The following ANKRD33B variants were observed in gnomAD, a reference collection of about 807,000 sequenced individuals.
The protein encoded by ANKRD33B is ankyrin repeat domain 33B, also known as ankyrin repeat domain-containing protein 33B.
ANKRD33B carries 6 observed loss-of-function variants against 21.5 expected under a neutral mutation model. The observed-to-expected ratio is 0.28, with a 90% CI of 0.15 to 0.55. The LOEUF (loss-of-function observed/expected upper bound fraction) is 0.55, where lower values mean the gene tolerates loss of function less well. Among genes scored for constraint, ANKRD33B ranks in the 20% least tolerant of loss-of-function variants. The pLI is 0.94. For missense variants in ANKRD33B, 698 were observed against 747.2 expected, an observed-to-expected ratio of 0.93 and a Z score of 0.77; for synonymous variants, 347 against 342.4, an observed-to-expected ratio of 1.01 and a Z score of -0.15.
At position 10,564,529 on chromosome 5, in the gene ANKRD33B, C is replaced by G; in HGVS notation, c.62C>G (p.Pro21Arg). The change falls in exon 1 of 4, where the codon CCG (proline) becomes CGG (arginine). Residue 21 changes from proline (P) to arginine (R), a missense_variant. Coordinates refer to ENST00000296657, the MANE Select transcript of ANKRD33B (RefSeq NM_001164440.2). Reference sequence around the variant, plus strand: ...GGGGCGCGCTGCATGACCCCACCACCGCCGTCCCCACCCCGGGGCGCGCAG... The same window carrying G: ...GGGGCGCGCTGCATGACCCCACCACGGCCGTCCCCACCCCGGGGCGCGCAG... ...GGGARCMTPP[P>R]PSPPRGAQVE... 7.8e-6 allele frequency: 12 copies of G among 1,532,422 alleles called. No individual in the cohort carries two copies. The highest frequency in any genetic ancestry group is 9.6e-6 in the Non-Finnish European group (11 of 1,145,818). The allele number at this position is 1,532,422 out of a possible 1,614,324, so 94.9% of individuals were successfully genotyped here. A position where few individuals can be genotyped will look rare whatever the true frequency, so the allele number is the denominator to read the frequency against.
rs1737391256 is a variant in ANKRD33B, at chr5:10,652,845, T to A, written c.*2732T>A. Reference sequence around the variant, plus strand: ...GCTCCTGGTGTCCACAAAACAGCTCTAGAGATACCTGCATTTTGAAAAGCC... The same window carrying A: ...GCTCCTGGTGTCCACAAAACAGCTCAAGAGATACCTGCATTTTGAAAAGCC... On this transcript the variant is annotated 3_prime_UTR_variant, in exon 4 of 4. Transcript: ENST00000296657. This position sits in a 1 kb window ranked among gnomAD's most constrained non-coding sequence, Gnocchi z 4.1. The A allele has an allele frequency of 1.1e-5, 3 of 282,106 alleles. No individual in the cohort carries two copies. The highest frequency in any genetic ancestry group is 9.7e-5 in the South Asian group (3 of 30,818). The allele number at this position is 282,106 out of a possible 1,614,324, so 17.5% of individuals were successfully genotyped here.
intron 3 of ANKRD33B, among the ~76,000 whole-genome samples, chr5:10,644,930 A>G (rs908474298): frequency 3.3e-5 from 5 of 152,138 alleles, no homozygotes; most frequent in Admixed American, 6.5e-5. Context: ...AATGTCCACC[A>G]ATGAGCAGGT....
chr5:10,602,651 T>C (rs909972564), intron 1 of ANKRD33B, among the ~76,000 whole-genome samples: 1 of 152,016 alleles, frequency 6.6e-6, no homozygotes, highest in African/African-American at 2.4e-5. Context: ...TTTGGCAGAG[T>C]AGGTAAAACA....
intron 3 of ANKRD33B, among the ~76,000 whole-genome samples, chr5:10,648,720 T>C (rs1193627346): frequency 2.0e-5 from 3 of 151,728 alleles, no homozygotes; most frequent in African/African-American, 7.3e-5. Flanking sequence ...GATTGTGCCA[T>C]TGCACTCCAG....
intron 1 of ANKRD33B, among the ~76,000 whole-genome samples, chr5:10,585,223 G>A (rs1184030908): frequency 1.3e-5 from 2 of 152,108 alleles, no homozygotes; most frequent in Non-Finnish European, 2.9e-5. Flanking sequence ...CAGTCTTCCA[G>A]GGCAGATCTT....
chr5:10,603,896 CTT>C (rs552397819), intron 1 of ANKRD33B, among the ~76,000 whole-genome samples: 12 of 139,574 alleles, frequency 8.6e-5, no homozygotes, highest in Non-Finnish European at 7.8e-5. Flanking sequence ...AAAAGGAGAA[CTT>C]TTTTTTTTTT....
At chr5:10,573,636 A>G (rs1290521577) in intron 1 of ANKRD33B, among the ~76,000 whole-genome samples, 1 of 152,192 alleles carries the variant, frequency 6.6e-6, no homozygotes, top group Non-Finnish European at 1.5e-5. Flanking sequence ...GGCCCCAGGA[A>G]ACTTACAATC....
Position 10,619,662 on chromosome 5 carries a change from C to A in ANKRD33B, c.496+1200C>A, listed in dbSNP as rs1029372115. 1.3e-5 allele frequency among the ~76,000 whole-genome samples: 2 copies of A among 152,176 alleles called. No homozygotes were observed. Among genetic ancestry groups the A allele is most frequent in the African/African-American group, 4.8e-5 (2 of 41,448 alleles). On this transcript the variant is annotated intron_variant, in intron 2 of 3. Coordinates refer to ENST00000296657, the MANE Select transcript of ANKRD33B (RefSeq NM_001164440.2). This position sits in a 1 kb window ranked among gnomAD's most constrained non-coding sequence, Gnocchi z 4.5. ...GTGTTCACCTCCTCAGGTTTCGAAG[C>A]GTGAGGCATCACTTCCATGGAGGGT...
At chr5:10,572,864 G>A (rs1007257550) in intron 1 of ANKRD33B, among the ~76,000 whole-genome samples, 2 of 152,292 alleles carry the variant, frequency 1.3e-5, no homozygotes, top group African/African-American at 4.8e-5. Context: ...CTAATTCAAG[G>A]GCCAGGTAAG....
intron 3 of ANKRD33B, among the ~76,000 whole-genome samples, chr5:10,642,375 C>T (rs1185075742): frequency 6.6e-6 from 1 of 152,192 alleles, no homozygotes; most frequent in African/African-American, 2.4e-5. Flanking sequence ...GCAAGCCCAT[C>T]CCCCATCACA....
rs957170150 is a variant in ANKRD33B, at chr5:10,576,713, C to A, written c.366+11880C>A. ...ATCTCCAGATGGTTTTCCAGTACTG[C>A]TAGTTCCATTTTAGCCAAGGGGAAA... On this transcript the variant is annotated intron_variant, in intron 1 of 3. Coordinates refer to ENST00000296657, the MANE Select transcript of ANKRD33B (RefSeq NM_001164440.2). The surrounding 1 kb of genome is among the most constrained non-coding windows in gnomAD (Gnocchi z 4.1). 4.6e-5 allele frequency among the ~76,000 whole-genome samples: 7 copies of A among 152,196 alleles called. No individual in the cohort carries two copies. The highest frequency in any genetic ancestry group is 1.7e-4 in the African/African-American group (7 of 41,440).
At position 10,619,170 on chromosome 5, in the gene ANKRD33B, C is replaced by T. The variant is rs956245127; in HGVS notation, c.496+708C>T. The T allele has an allele frequency of 6.7e-6, 2 of 299,398 alleles. No individual in the cohort carries two copies. Among genetic ancestry groups the T allele is most frequent in the African/African-American group, 4.5e-5 (2 of 44,090 alleles). The allele number at this position is 299,398 out of a possible 1,614,324, so 18.5% of individuals were successfully genotyped here. ...ACAGTGGTCTTGACCAGGTTTATCA[C>T]TGACCCCTTTCACATTTCTTTGCCT... On this transcript the variant is annotated intron_variant, in intron 2 of 3. Coordinates refer to ENST00000296657, the MANE Select transcript of ANKRD33B (RefSeq NM_001164440.2). The surrounding 1 kb of genome is among the most constrained non-coding windows in gnomAD (Gnocchi z 4.5).
chr5:10,608,424 A>G (rs900012821), intron 1 of ANKRD33B, among the ~76,000 whole-genome samples: 1 of 151,960 alleles, frequency 6.6e-6, no homozygotes, highest in African/African-American at 2.4e-5. Context: ...TCTTCCCTGC[A>G]AAACACAAGG....
chr5:10,646,328 G>A (rs993337693), intron 3 of ANKRD33B, among the ~76,000 whole-genome samples: 1 of 152,180 alleles, frequency 6.6e-6, no homozygotes, highest in East Asian at 1.9e-4. Context: ...GAAGGTATTT[G>A]TATAAAATGT....
chr5:10,586,963 T>G (rs1278777355), intron 1 of ANKRD33B, among the ~76,000 whole-genome samples: 1 of 152,166 alleles, frequency 6.6e-6, no homozygotes, highest in Non-Finnish European at 1.5e-5. Context: ...TATGTGAAGT[T>G]TTCATTGTGG....
chr5:10,579,058 G>A (rs1178732896), intron 1 of ANKRD33B, among the ~76,000 whole-genome samples: 1 of 151,688 alleles, frequency 6.6e-6, no homozygotes, highest in Non-Finnish European at 1.5e-5. Flanking sequence ...CAACCACACA[G>A]GAGGCTGAGG....
chr5:10,598,141 C>T (rs1310155179), intron 1 of ANKRD33B, among the ~76,000 whole-genome samples: 1 of 152,190 alleles, frequency 6.6e-6, no homozygotes, highest in Non-Finnish European at 1.5e-5. Flanking sequence ...TGGATGTGAC[C>T]ACCCCATTCA....
intron 1 of ANKRD33B, among the ~76,000 whole-genome samples, chr5:10,607,317 G>A (rs1011596190): frequency 2.0e-5 from 3 of 152,176 alleles, no homozygotes; most frequent in Admixed American, 6.5e-5. Context: ...CCCTCACTCC[G>A]GAGGCCCAGT....
chr5:10,574,321 G>A (rs117404132), intron 1 of ANKRD33B, among the ~76,000 whole-genome samples: 1 of 152,236 alleles, frequency 6.6e-6, no homozygotes, highest in East Asian at 1.9e-4. Flanking sequence ...AGAATTATTA[G>A]CCCAGTAGGC....
Sources: gnomAD v4.1 joint callset for allele counts (sites outside exome capture counted in the v4.1 genomes callset) on GRCh38, gnomAD v4.1.1 for gene constraint, Gnocchi (gnomAD v3.1) non-coding constraint, MANE v1.5 for transcripts, NCBI Gene and HGNC (gene_info 2026-07-23, HGNC 2026-07-21) for gene names.